KCTD8: variants seen among roughly 807,000 people sequenced by gnomAD.
KCTD8 encodes BTB/POZ domain-containing protein KCTD8.
KCTD8 carries 27 observed loss-of-function variants against 31.5 expected under a neutral mutation model. That is an observed-to-expected ratio of 0.86 (90% CI 0.63 to 1.18). The LOEUF is 1.18. Among genes scored for constraint, KCTD8 ranks in the 50% most tolerant of loss-of-function variants. The pLI, the probability that KCTD8 is intolerant of heterozygous loss-of-function variation, is 0.00. For missense variants in KCTD8, 658 were observed against 647.7 expected (o/e 1.02, Z -0.17); for synonymous variants, 290 against 280.0 (o/e 1.04, Z -0.36).
At chr4:44,443,582 T>C (rs1407183045) in intron 1 of KCTD8, among the ~76,000 whole-genome samples, 1 of 152,114 alleles carries the variant, frequency 6.6e-6, no homozygotes, top group East Asian at 1.9e-4. Flanking sequence ...GATCTGGCAT[T>C]TTCATGTATC....
intron 1 of KCTD8, among the ~76,000 whole-genome samples, chr4:44,324,141 G>A (rs1262748471): frequency 6.6e-6 from 1 of 151,656 alleles, no homozygotes; most frequent in Admixed American, 6.6e-5. Context: ...AGCAAATAGA[G>A]GGCTAAATGA....
At chr4:44,331,685 A>G (rs1392207769) in intron 1 of KCTD8, among the ~76,000 whole-genome samples, 1 of 150,172 alleles carries the variant, frequency 6.7e-6, no homozygotes, top group Non-Finnish European at 1.5e-5. Context: ...ACATATATAT[A>G]CATATATGGA....
At chr4:44,446,689 A>G (rs1192483715) in intron 1 of KCTD8, among the ~76,000 whole-genome samples, 1 of 152,080 alleles carries the variant, frequency 6.6e-6, no homozygotes, top group African/African-American at 2.4e-5. Context: ...AAATCGCTCT[A>G]TTTATTCACC....
chr4:44,269,346 G>A (rs935139755), intron 1 of KCTD8, among the ~76,000 whole-genome samples: 2 of 152,056 alleles, frequency 1.3e-5, no homozygotes, highest in Admixed American at 6.6e-5. Flanking sequence ...TACGTAGAAA[G>A]CTGAAACTGG....
intron 1 of KCTD8, among the ~76,000 whole-genome samples, chr4:44,393,514 TC>T (rs1456519264): frequency 6.6e-6 from 1 of 150,444 alleles, no homozygotes; most frequent in African/African-American, 2.4e-5. Flanking sequence ...CTATGAAAGT[TC>T]ACACTGAAAA....
At chr4:44,284,448 T>G (rs2109381124) in intron 1 of KCTD8, among the ~76,000 whole-genome samples, 1 of 152,276 alleles carries the variant, frequency 6.6e-6, no homozygotes, top group Middle Eastern at 3.4e-3. Context: ...GACCCCTTTC[T>G]TACACCTTAT....
At chr4:44,276,376 G>T (rs948211478) in intron 1 of KCTD8, among the ~76,000 whole-genome samples, 2 of 151,772 alleles carry the variant, frequency 1.3e-5, no homozygotes, top group African/African-American at 2.4e-5. Context: ...TTAATACAGA[G>T]AATTCTAAGT....
Position 44,360,197 on chromosome 4 carries a change from T to G in KCTD8, c.961+87366A>C, listed in dbSNP as rs1719460064. Among the ~76,000 whole-genome samples the G allele has an allele frequency of 3.3e-5, 5 of 151,998 alleles. No homozygotes were observed. In the South Asian group the frequency reaches 1.0e-3, roughly 31 times the overall value. On this transcript the variant is annotated intron_variant, in intron 1 of 1. Transcript: ENST00000360029. ...AATATAAATTATAAATGTAATATAATGAAAAGGCAGATTACCCCAACTGTT... is the reference window on the plus strand; with the variant it reads ...AATATAAATTATAAATGTAATATAAGGAAAAGGCAGATTACCCCAACTGTT...
Position 44,174,733 on chromosome 4 carries a change from G to A in KCTD8, c.*57C>T, listed in dbSNP as rs542426137. 150 of 1,295,026 alleles carry A rather than the reference G, an allele frequency of 1.2e-4. 1 individual carries two copies. In the South Asian group the frequency reaches 2.0e-3, roughly 17 times the overall value. The allele number at this position is 1,295,026 out of a possible 1,614,324, so 80.2% of individuals were successfully genotyped here. The stretch of plus-strand genomic sequence containing the variant: ...ACCATTGTTAGGACATCAGTCAGGT[G>A]GTGACACTGTAGTAAACATTGAATG... On this transcript the variant is annotated 3_prime_UTR_variant, in exon 2 of 2. Transcript: ENST00000360029.
chr4:44,295,789 C>A (rs1227077259), intron 1 of KCTD8, among the ~76,000 whole-genome samples: 1 of 152,122 alleles, frequency 6.6e-6, no homozygotes, highest in Non-Finnish European at 1.5e-5. Context: ...CCCAACACTG[C>A]AGGACTGGGA....
At chr4:44,404,505 T>G (rs1219353253) in intron 1 of KCTD8, among the ~76,000 whole-genome samples, 1 of 152,204 alleles carries the variant, frequency 6.6e-6, no homozygotes, top group Non-Finnish European at 1.5e-5. Flanking sequence ...TTAAAGTCTA[T>G]TCATCATTTC....
chr4:44,174,779 T>C lies in KCTD8; in HGVS notation c.*11A>G. Reference sequence around the variant, plus strand: ...GAATGTCATCAAAATACTGCAGGAATGTGACAATTACTATAACCCATACTT... The same window carrying C: ...GAATGTCATCAAAATACTGCAGGAACGTGACAATTACTATAACCCATACTT... On this transcript the variant is annotated 3_prime_UTR_variant, in exon 2 of 2. Coordinates refer to ENST00000360029, the MANE Select transcript of KCTD8 (RefSeq NM_198353.3). The C allele has an allele frequency of 1.9e-6, 3 of 1,570,056 alleles. No homozygotes were observed. Among genetic ancestry groups the C allele is most frequent in the Non-Finnish European group, 2.6e-6 (3 of 1,155,290 alleles).
chr4:44,284,056 A>G (rs1001748760), intron 1 of KCTD8, among the ~76,000 whole-genome samples: 3 of 152,156 alleles, frequency 2.0e-5, no homozygotes, highest in African/African-American at 7.2e-5. Context: ...TACTGCCCAA[A>G]GTAATTTATA....
At position 44,448,123 on chromosome 4, in the gene KCTD8, G is replaced by C; in HGVS notation, c.401C>G (p.Ala134Gly). Residue 134 changes from alanine (A) to glycine (G), a missense_variant, in exon 1 of 2, where the codon GCC (alanine) becomes GGC (glycine). Coordinates refer to ENST00000360029, the MANE Select transcript of KCTD8 (RefSeq NM_198353.3). The surrounding 1 kb of genome is among the most constrained non-coding windows in gnomAD (Gnocchi z 4.1). ...CAAGTCGGTGAGCTGGAAATACTCGGCCTCGCGCAGCAGCCGCTCCTTCTC... is the reference window on the plus strand; with the variant it reads ...CAAGTCGGTGAGCTGGAAATACTCGCCCTCGCGCAGCAGCCGCTCCTTCTC... ...FPEKERLLRE[A>G]EYFQLTDLVK... 1 of 1,612,626 alleles carries C rather than the reference G, an allele frequency of 6.2e-7. No individual in the cohort carries two copies. Among genetic ancestry groups the C allele is most frequent in the South Asian group, 1.1e-5 (1 of 91,052 alleles).
At chr4:44,254,426 G>A (rs1196136964) in intron 1 of KCTD8, among the ~76,000 whole-genome samples, 2 of 151,894 alleles carry the variant, frequency 1.3e-5, no homozygotes, top group African/African-American at 2.4e-5. Flanking sequence ...CTTGTAGGAG[G>A]CAATCTCTGC....
intron 1 of KCTD8, among the ~76,000 whole-genome samples, chr4:44,206,216 GAACTCC>G (rs992157089): frequency 1.3e-5 from 2 of 152,104 alleles, no homozygotes; most frequent in South Asian, 2.1e-4. Context: ...CTTCGAGAAT[GAACTCC>G]ATCAGTTTGG....
intron 1 of KCTD8, among the ~76,000 whole-genome samples, chr4:44,259,115 G>A (rs1259596147): frequency 6.6e-6 from 1 of 151,734 alleles, no homozygotes; most frequent in Non-Finnish European, 1.5e-5. Flanking sequence ...ATTCCCAAAT[G>A]ACAAAAGCAC....
At chr4:44,265,725 C>A (rs1233941245) in intron 1 of KCTD8, among the ~76,000 whole-genome samples, 10 of 152,122 alleles carry the variant, frequency 6.6e-5, no homozygotes, top group Admixed American at 1.3e-4. Context: ...AAAGCCAAGG[C>A]TCGAGAACTA....
At chr4:44,407,933 A>G (rs370958125) in intron 1 of KCTD8, among the ~76,000 whole-genome samples, 1 of 152,156 alleles carries the variant, frequency 6.6e-6, no homozygotes, top group African/African-American at 2.4e-5. Flanking sequence ...CATACTCTAC[A>G]CAAGGAGTAC....
Sources: allele counts gnomAD v4.1 joint callset (sites outside exome capture counted in the v4.1 genomes callset), GRCh38; gene constraint gnomAD v4.1.1; non-coding constraint Gnocchi (gnomAD v3.1); transcripts MANE v1.5; gene names NCBI Gene and HGNC (gene_info 2026-07-23, HGNC 2026-07-21).